Variants in MRPL58 observed in about 807,000 individuals in gnomAD.
MRPL58 encodes mitochondrial ribosomal protein L58.
In MRPL58, 17 loss-of-function variants were observed where a neutral mutation model predicts 26.0. The observed-to-expected ratio is 0.65, with a 90% CI of 0.45 to 0.98. The LOEUF (loss-of-function observed/expected upper bound fraction) is 0.98. MRPL58 is among the 50% of genes least tolerant of loss of function. The pLI, the probability that MRPL58 is intolerant of heterozygous loss-of-function variation, is 0.00. For missense variants in MRPL58, 250 were observed against 269.0 expected (o/e 0.93, Z 0.49); for synonymous variants, 100 against 99.7 (o/e 1.00, Z -0.02).
At chr17:75,018,202 TG>T (rs1476305024) in intron 2 of MRPL58, among the ~76,000 whole-genome samples, 2 of 152,016 alleles carry the variant, frequency 1.3e-5, no homozygotes, top group African/African-American at 4.8e-5. Flanking sequence ...AGCTACCATT[TG>T]TTTTTTACAT....
intron 3 of MRPL58, 140 bp downstream of exon 3, chr17:75,019,899 T>C (rs1386329143): frequency 1.6e-6 from 1 of 644,860 alleles, no homozygotes; most frequent in Non-Finnish European, 2.6e-6. Flanking sequence ...ATAATCCTCT[T>C]TATTCTTTTG....
At chr17:75,017,942 C>T (rs1175398401) in intron 2 of MRPL58, among the ~76,000 whole-genome samples, 2 of 146,866 alleles carry the variant, frequency 1.4e-5, no homozygotes, top group Non-Finnish European at 3.0e-5. Flanking sequence ...AAAAAAAAAT[C>T]AGTCATTTCT....
chr17:75,019,102 C>T (rs993397996), intron 2 of MRPL58, among the ~76,000 whole-genome samples: 26 of 150,588 alleles, frequency 1.7e-4, no homozygotes, highest in African/African-American at 6.4e-4. Flanking sequence ...TGGACTCCAG[C>T]CTGGGTGCCA....
At chr17:75,013,275 A>G (rs1016852473) in intron 1 of MRPL58, among the ~76,000 whole-genome samples, 3 of 152,238 alleles carry the variant, frequency 2.0e-5, no homozygotes, top group Non-Finnish European at 2.9e-5. Context: ...GGACGCGCGA[A>G]TAAAACAGCT....
At chr17:75,019,914 T>C (rs989166477) in intron 3 of MRPL58, among the ~76,000 whole-genome samples, 155 bp downstream of exon 3, 15 of 152,228 alleles carry the variant, frequency 9.9e-5, no homozygotes, top group Non-Finnish European at 2.1e-4. Context: ...CTTTTGAATG[T>C]GGTCTGATTC....
chr17:75,020,802 T>C, intron 5 of MRPL58, 119 bp from the exon 6 acceptor site: 1 of 1,176,196 alleles, frequency 8.5e-7, no homozygotes, highest in Non-Finnish European at 1.3e-6. Flanking sequence ...GACCGAGGCC[T>C]GCGGGCTAGT....
chr17:75,017,879 G>C (rs1019906977), intron 2 of MRPL58, among the ~76,000 whole-genome samples: 1 of 150,906 alleles, frequency 6.6e-6, no homozygotes. Flanking sequence ...AGTTGAGATC[G>C]CACCACTGCA....
At chr17:75,013,002 T>G (rs1295842106) in intron 1 of MRPL58, 130 bp downstream of exon 1, 21 of 827,386 alleles carry the variant, frequency 2.5e-5, no homozygotes, top group Middle Eastern at 3.1e-4. Flanking sequence ...GGGAGGGGGC[T>G]GGCTGTCTGC....
At chr17:75,016,503 TGGCGTTTGCACTG>T (rs540951314) in intron 1 of MRPL58, among the ~76,000 whole-genome samples, 6 of 151,802 alleles carry the variant, frequency 4.0e-5, no homozygotes, top group Non-Finnish European at 7.4e-5. Flanking sequence ...TCGGAGTGGG[TGGCGTTTGCACTG>T]GGCCTTGTGG....
At position 75,021,107 on chromosome 17, in the gene MRPL58, T is replaced by G; in HGVS notation, c.*102T>G. ...AGATTTCTGTTTTTCTTTTTGGCTG[T>G]TAATGCTTGTCTATAACATTGGAGC... On this transcript the variant is annotated 3_prime_UTR_variant, in exon 6 of 6. Coordinates refer to ENST00000301585, the MANE Select transcript of MRPL58 (RefSeq NM_001545.3). 1.3e-6 allele frequency: 1 copy of G among 757,820 alleles called. No homozygotes were observed. The highest frequency in any genetic ancestry group is 2.3e-5 in the Admixed American group (1 of 43,648). 46.9% of individuals were successfully genotyped at this position (757,820 alleles called of 1,614,324 possible).
rs909167594 is a variant in MRPL58 at position 75,019,765 on chromosome 17, G to A, written c.283+6G>A. On this transcript the variant is annotated splice_donor_region_variant and intron_variant, in intron 3 of 5. Coordinates refer to ENST00000301585, the MANE Select transcript of MRPL58 (RefSeq NM_001545.3). Reference sequence around the variant, plus strand: ...GGGGCAGAATGTGAACAAAGGTACGGGGTGCCTTGTTGCTTTCTTTTGCTT... The same window carrying A: ...GGGGCAGAATGTGAACAAAGGTACGAGGTGCCTTGTTGCTTTCTTTTGCTT... The A allele has an allele frequency of 5.0e-6, 8 of 1,593,108 alleles. No individual in the cohort carries two copies. Among genetic ancestry groups the A allele is most frequent in the Admixed American group, 1.7e-5 (1 of 58,460 alleles).
chr17:75,020,368 G>A lies in MRPL58; in HGVS notation c.339G>A (p.Glu113=), dbSNP rs2040006606. 2 of 1,613,980 alleles carry A rather than the reference G, an allele frequency of 1.2e-6. No individual in the cohort carries two copies. The highest frequency in any genetic ancestry group is 1.7e-6 in the Non-Finnish European group (2 of 1,180,020). The part of the protein sequence containing the change: ...FHLATAEWIA[E]PVRQKIAITH... The stretch of plus-strand genomic sequence containing the variant: ...TGGCAACTGCCGAGTGGATCGCGGA[G>A]CCCGTGCGGCAGAAGATAGCCATCA... Residue 113 remains glutamate, a synonymous_variant, in exon 4 of 6, where the codon GAG becomes GAA. Coordinates refer to ENST00000301585, the MANE Select transcript of MRPL58 (RefSeq NM_001545.3).
At chr17:75,018,167 A>G (rs1447781837) in intron 2 of MRPL58, among the ~76,000 whole-genome samples, 1 of 152,168 alleles carries the variant, frequency 6.6e-6, no homozygotes, top group Non-Finnish European at 1.5e-5. Flanking sequence ...ATGAATTGAA[A>G]GAGGAAGACA....
At chr17:75,016,279 G>T (rs1223579227) in intron 1 of MRPL58, among the ~76,000 whole-genome samples, 1 of 151,856 alleles carries the variant, frequency 6.6e-6, no homozygotes, top group East Asian at 2.0e-4. Context: ...AGCTAGGCAT[G>T]GTGGCATGCG....
At chr17:75,020,204 G>A (rs2040005067) in intron 3 of MRPL58, 109 bp from the exon 4 acceptor site, 1 of 845,330 alleles carries the variant, frequency 1.2e-6, no homozygotes, top group Non-Finnish European at 2.0e-6. Flanking sequence ...CAATGTACAT[G>A]GTTAGGTGTC....
intron 3 of MRPL58, among the ~76,000 whole-genome samples, chr17:75,019,973 T>C (rs2040003241): frequency 6.6e-6 from 1 of 152,084 alleles, no homozygotes; most frequent in East Asian, 1.9e-4. Flanking sequence ...CTTGTGAGTC[T>C]AAACAAAGAG....
chr17:75,020,776 G>A (rs553176195), intron 5 of MRPL58, 119 bp downstream of exon 5: 3 of 1,274,296 alleles, frequency 2.4e-6, no homozygotes, highest in East Asian at 2.3e-5. Context: ...AGGAAGAGGA[G>A]AGGATGCTGA....
In MRPL58 at chr17:75,018,336, A is replaced by G. The variant is rs1274473671; in HGVS notation, c.223+1222A>G. On this transcript the variant is annotated intron_variant, in intron 2 of 5. Transcript: ENST00000301585. ...AAGTTCCGCCTCCCAGGTTCACACC[A>G]TTCTCCTGCCTCAGCCTCCCGAGTA... 2.0e-5 allele frequency among the ~76,000 whole-genome samples: 3 copies of G among 150,950 alleles called. No homozygotes were observed. The East Asian group carries it at 5.9e-4, about 29-fold the overall frequency.
intron 3 of MRPL58, 76 bp from the exon 4 acceptor site, chr17:75,020,236 TG>T: frequency 9.1e-7 from 1 of 1,103,108 alleles, no homozygotes; most frequent in Non-Finnish European, 1.4e-6. Flanking sequence ...TATTTCAGAA[TG>T]GTCACTGGTC....
Sources: gnomAD v4.1 joint callset for allele counts (sites outside exome capture counted in the v4.1 genomes callset) on GRCh38, gnomAD v4.1.1 for gene constraint, MANE v1.5 for transcripts, NCBI Gene and HGNC (gene_info 2026-07-23, HGNC 2026-07-21) for gene names.